The following PPARGC1A variants were observed in gnomAD, a reference collection of about 807,000 sequenced individuals.
PPARGC1A encodes the protein PPARG coactivator 1 alpha.
Under a neutral mutation model 88.7 loss-of-function variants are expected in PPARGC1A, and 25 were observed. The observed-to-expected ratio is 0.28, with a 90% CI of 0.21 to 0.39. The LOEUF is 0.39. Ranked by LOEUF, PPARGC1A falls within the 10% of genes least tolerant of loss-of-function variation. The probability of loss-of-function intolerance (pLI) is 1.00; values close to 1 mark genes in which losing one functional copy is unlikely to be tolerated. For missense variants in PPARGC1A, 880 were observed against 968.7 expected (o/e 0.91, Z 1.22); for synonymous variants, 363 against 355.6 (o/e 1.02, Z -0.24).
the PPARGC1A span, among the ~76,000 whole-genome samples, chr4:24,180,835 G>A: frequency 6.6e-6 from 1 of 152,152 alleles, no homozygotes; most frequent in Non-Finnish European, 1.5e-5. Flanking sequence ...TGCAAAGGCT[G>A]TTGGACTAGT....
At chr4:24,173,648 G>A in the PPARGC1A span, among the ~76,000 whole-genome samples, 3 of 152,282 alleles carry the variant, frequency 2.0e-5, no homozygotes, top group African/African-American at 7.2e-5. Context: ...AGGATATGTC[G>A]TGAGGAGCAT....
chr4:24,391,882 A>G, the PPARGC1A span, among the ~76,000 whole-genome samples: 3 of 152,312 alleles, frequency 2.0e-5, no homozygotes, highest in South Asian at 2.1e-4. Context: ...ATTGCTTTCA[A>G]TGAACTCCGA....
chr4:24,445,161 T>C, the PPARGC1A span, among the ~76,000 whole-genome samples: 1 of 152,054 alleles, frequency 6.6e-6, no homozygotes, highest in Non-Finnish European at 1.5e-5. Context: ...TCTCAGCAAA[T>C]CCTCTATGGC....
the PPARGC1A span, among the ~76,000 whole-genome samples, chr4:24,184,782 C>T: frequency 6.6e-6 from 1 of 152,124 alleles, no homozygotes; most frequent in Admixed American, 6.6e-5. Context: ...TCAAAGACAG[C>T]CCAGCTAAAA....
chr4:24,091,484 C>T, the PPARGC1A span: 45 of 985,278 alleles, frequency 4.6e-5, no homozygotes, highest in Non-Finnish European at 5.3e-5. Context: ...GCCTGCTTCT[C>T]GCTGAAGTAC....
At chr4:24,227,612 T>C in the PPARGC1A span, among the ~76,000 whole-genome samples, 4 of 152,260 alleles carry the variant, frequency 2.6e-5, no homozygotes, top group African/African-American at 7.2e-5. Flanking sequence ...ACAGAAATCA[T>C]TGTAGGTATT....
upstream of PPARGC1A, among the ~76,000 whole-genome samples, chr4:23,903,641 A>G (rs1010721453): frequency 2.0e-5 from 3 of 152,204 alleles, no homozygotes; most frequent in African/African-American, 7.2e-5. Context: ...ATTCTCCCCC[A>G]GAAAACTGGA....
chr4:23,831,869 A>G, intron 2 of PPARGC1A, 118 bp from the exon 3 acceptor site: 1 of 769,810 alleles, frequency 1.3e-6, no homozygotes, highest in Non-Finnish European at 2.1e-6. Flanking sequence ...TGCCCATTCC[A>G]GAACACAAAG....
the PPARGC1A span, among the ~76,000 whole-genome samples, chr4:24,076,726 T>C: frequency 2.6e-4 from 39 of 152,208 alleles, no homozygotes; most frequent in African/African-American, 9.1e-4. Context: ...TCCCACCAGG[T>C]TGTTGCATCA....
chr4:24,324,033 T>C, the PPARGC1A span, among the ~76,000 whole-genome samples: 1 of 152,224 alleles, frequency 6.6e-6, no homozygotes, highest in African/African-American at 2.4e-5. Context: ...CCCAAAACTC[T>C]GGCGCCGGTC....
intron 3 of PPARGC1A, 171 bp downstream of exon 3, chr4:23,831,386 A>G (rs1350760475): frequency 5.6e-6 from 3 of 535,128 alleles, no homozygotes; most frequent in Non-Finnish European, 6.5e-6. Context: ...GTGTATTATC[A>G]ACACTTTTAA....
chr4:24,384,371 T>C, the PPARGC1A span, among the ~76,000 whole-genome samples: 2 of 151,934 alleles, frequency 1.3e-5, no homozygotes, highest in Non-Finnish European at 2.9e-5. Flanking sequence ...AGGATCAAAT[T>C]CACACATAAC....
At chr4:24,103,793 C>G in the PPARGC1A span, among the ~76,000 whole-genome samples, 1 of 152,168 alleles carries the variant, frequency 6.6e-6, no homozygotes, top group African/African-American at 2.4e-5. Context: ...ATCTCGCAGT[C>G]TTCAGCAGAC....
chr4:24,359,894 G>C, the PPARGC1A span, among the ~76,000 whole-genome samples: 4 of 152,204 alleles, frequency 2.6e-5, no homozygotes, highest in African/African-American at 9.7e-5. Context: ...ATACATTTCT[G>C]TGGTTTTAAG....
the PPARGC1A span, among the ~76,000 whole-genome samples, chr4:24,437,594 TTTGTTGTTGTTGTTGTTGTTGTTG>T: frequency 8.3e-5 from 12 of 143,844 alleles, no homozygotes; most frequent in African/African-American, 2.6e-4. Context: ...GCACAGGTTT[TTTGTTGTTGTTGTTGTTGTTGTTG>T]TTGTTGTTGT....
chr4:24,146,007 G>C, the PPARGC1A span, among the ~76,000 whole-genome samples: 1 of 152,268 alleles, frequency 6.6e-6, no homozygotes, highest in Admixed American at 6.5e-5. Flanking sequence ...ATAACCCAGA[G>C]AGCAGCTTCA....
At chr4:23,849,062 T>C (rs1728812538) in intron 2 of PPARGC1A, among the ~76,000 whole-genome samples, 1 of 152,088 alleles carries the variant, frequency 6.6e-6, no homozygotes, top group Non-Finnish European at 1.5e-5. Context: ...GAGAATGGCA[T>C]GAACCCGGGA....
At chr4:23,850,065 C>T (rs972479434) in intron 2 of PPARGC1A, among the ~76,000 whole-genome samples, 2 of 152,138 alleles carry the variant, frequency 1.3e-5, no homozygotes, top group East Asian at 1.9e-4. Flanking sequence ...ATTTTATTTT[C>T]GCTTTTTGAT....
chr4:24,421,263 C>CA, the PPARGC1A span, among the ~76,000 whole-genome samples: 143 of 149,940 alleles, frequency 9.5e-4, 2 homozygotes, highest in African/African-American at 3.3e-3. Flanking sequence ...ATACTTAAAT[C>CA]AAAACATTAT....
Sources: allele counts gnomAD v4.1 joint callset (sites outside exome capture counted in the v4.1 genomes callset), GRCh38; gene constraint gnomAD v4.1.1; transcripts MANE v1.5; gene names NCBI Gene and HGNC (gene_info 2026-07-23, HGNC 2026-07-21).